The following PGM5 variants were observed in gnomAD, a reference collection of about 807,000 sequenced individuals.
PGM5 encodes the protein phosphoglucomutase-like protein 5.
In PGM5, 23 loss-of-function variants were observed where a neutral mutation model predicts 59.2. The observed-to-expected ratio is 0.39, with a 90% CI of 0.28 to 0.55. The LOEUF (loss-of-function observed/expected upper bound fraction) is 0.55, where lower values mean the gene tolerates loss of function less well. PGM5 is among the 20% of genes least tolerant of loss of function. The probability of loss-of-function intolerance (pLI) is 0.66; values close to 1 mark genes in which losing one functional copy is unlikely to be tolerated. For synonymous variants in PGM5, 214 were observed against 286.0 expected (o/e 0.75, Z 2.54); for missense variants, 574 against 748.3 (o/e 0.77, Z 2.72).
At chr9:68,428,332 G>A (rs140081297) in intron 6 of PGM5, among the ~76,000 whole-genome samples, 4 of 152,144 alleles carry the variant, frequency 2.6e-5, no homozygotes, top group Non-Finnish European at 5.9e-5. Flanking sequence ...CTGTTGTGTT[G>A]CATGGGATAT....
intron 10 of PGM5, 45 bp from the exon 11 acceptor site, chr9:68,529,522 G>A (rs768759492): frequency 1.5e-6 from 2 of 1,378,348 alleles, no homozygotes; most frequent in Non-Finnish European, 2.0e-6. Flanking sequence ...GCCCCAAAAT[G>A]TAACTGACTT....
chr9:68,472,029 GA>G (rs1824028304), intron 7 of PGM5, among the ~76,000 whole-genome samples: 2 of 151,998 alleles, frequency 1.3e-5, no homozygotes, highest in African/African-American at 4.8e-5. Flanking sequence ...TATGCTCTGT[GA>G]GGGAAGCATG....
chr9:68,404,421 G>A (rs542000429), intron 6 of PGM5, among the ~76,000 whole-genome samples: 4 of 152,150 alleles, frequency 2.6e-5, no homozygotes, highest in East Asian at 1.9e-4. Flanking sequence ...GAGCTACTGC[G>A]CCCAGCCTAA....
At position 68,499,257 on chromosome 9, in the gene PGM5, C is replaced by T. The variant is rs1824530486; in HGVS notation, c.1510C>T (p.Arg504Trp). The T allele has an allele frequency of 4.3e-6, 7 of 1,614,174 alleles. No homozygotes were observed. The highest frequency in any genetic ancestry group is 4.5e-5 in the East Asian group (2 of 44,878). ...GLRIIFSDAS[R>W]LIFRLSSSSG... ...AAGGATCATTTTCTCGGATGCATCACGGCTCATCTTCCGGCTCAGTTCCTC... is the reference window on the plus strand; with the variant it reads ...AAGGATCATTTTCTCGGATGCATCATGGCTCATCTTCCGGCTCAGTTCCTC... The change falls in exon 10 of 11, where the codon CGG becomes TGG. Residue 504 changes from arginine to tryptophan, a missense_variant. Physicochemically the swap from Arg to Trp is moderately radical, Grantham distance 101. Coordinates refer to ENST00000396396, the MANE Select transcript of PGM5 (RefSeq NM_021965.4).
At chr9:68,501,750 C>G (rs1554688679) in intron 10 of PGM5, among the ~76,000 whole-genome samples, 2 of 152,226 alleles carry the variant, frequency 1.3e-5, no homozygotes. Context: ...GCCATCTACA[C>G]TTAAATTATT....
At chr9:68,475,206 T>TG (rs1400417569) in intron 7 of PGM5, among the ~76,000 whole-genome samples, 2 of 144,816 alleles carry the variant, frequency 1.4e-5, no homozygotes, top group Admixed American at 1.4e-4. Flanking sequence ...TTTTTTTTTT[T>TG]GTATTTTTAG....
At chr9:68,483,814 C>G (rs782306675) in intron 8 of PGM5, 51 bp from the exon 9 acceptor site, 2 of 1,550,026 alleles carry the variant, frequency 1.3e-6, no homozygotes, top group South Asian at 1.1e-5. Context: ...AGTGGGCCAC[C>G]CAGTTGCTGG....
chr9:68,512,394 T>C (rs1824763951), intron 10 of PGM5, among the ~76,000 whole-genome samples: 1 of 152,218 alleles, frequency 6.6e-6, no homozygotes, highest in Non-Finnish European at 1.5e-5. Flanking sequence ...AGGGCTGATA[T>C]AACAAAGTAC....
intron 1 of PGM5, among the ~76,000 whole-genome samples, chr9:68,376,513 G>GTA (rs1554677667): frequency 3.5e-5 from 5 of 143,222 alleles, no homozygotes; most frequent in African/African-American, 1.2e-4. Flanking sequence ...GTGTGTGTGT[G>GTA]TGTGTGTGTG....
intron 7 of PGM5, among the ~76,000 whole-genome samples, chr9:68,472,982 AT>A (rs1284157335): frequency 1.3e-5 from 2 of 152,056 alleles, no homozygotes; most frequent in East Asian, 1.9e-4. Flanking sequence ...ATTTAAGAAT[AT>A]TTTTTTAAGC....
chr9:68,365,682 A>G (rs1834665618), intron 1 of PGM5, among the ~76,000 whole-genome samples: 2 of 152,250 alleles, frequency 1.3e-5, no homozygotes, highest in South Asian at 4.1e-4. Flanking sequence ...ACTAGTAGGT[A>G]TTTTGTATAA....
chr9:68,397,587 A>G (rs1378788620), intron 6 of PGM5: 2 of 152,218 alleles, frequency 1.3e-5, no homozygotes, highest in Non-Finnish European at 2.9e-5. Flanking sequence ...CTCAAGAAAT[A>G]TTTATTAAGG....
intron 10 of PGM5, among the ~76,000 whole-genome samples, chr9:68,511,347 A>T (rs1411060701): frequency 6.6e-6 from 1 of 152,034 alleles, no homozygotes; most frequent in Non-Finnish European, 1.5e-5. Flanking sequence ...AGAGAGGAGG[A>T]TATATTGAGG....
intron 10 of PGM5, among the ~76,000 whole-genome samples, chr9:68,515,152 A>G (rs1824806504): frequency 6.6e-6 from 1 of 152,258 alleles, no homozygotes; most frequent in Admixed American, 6.5e-5. Flanking sequence ...CACTTTAAAT[A>G]TGTTAGGTTA....
chr9:68,483,887 C>T lies in PGM5; in HGVS notation c.1318C>T (p.Pro440Ser), dbSNP rs1824241109. 3 of 1,613,970 alleles carry T rather than the reference C, an allele frequency of 1.9e-6. No individual in the cohort carries two copies. The highest frequency in any genetic ancestry group is 2.5e-6 in the Non-Finnish European group (3 of 1,179,996). Residue 440 changes from proline (P) to serine (S), a missense_variant, in exon 9 of 11, where the codon CCC becomes TCC. Pro to Ser is a moderately conservative substitution (Grantham distance 74). This residue lies in a region of PGM5 where 300 missense variants were observed against 280.0 expected (regional missense o/e 1.07). Coordinates refer to ENST00000396396, the MANE Select transcript of PGM5 (RefSeq NM_021965.4). ...YCRFDYEGLDPKTTYYIMRDL... is the reference protein window; with the variant it reads ...YCRFDYEGLDSKTTYYIMRDL... ...CAGGTTTGACTATGAGGGGTTGGAT[C>T]CCAAGACGACATATTATATCATGAG...
Position 68,529,655 on chromosome 9 carries a change from G to A in PGM5, c.1703G>A (p.Ter568=), listed in dbSNP as rs1181070448. ...CGGAGGGGACCCACTGTCATCACCT[G>A]AATAGAGGAAAGATCACTCACCAGG... The part of the protein sequence containing the change: ...TGRRGPTVIT[*] Residue 568 remains the stop codon, a stop_retained_variant, in exon 11 of 11, where the codon TGA becomes TAA. Transcript: ENST00000396396. 1.9e-6 allele frequency: 3 copies of A among 1,582,528 alleles called. No homozygotes were observed. The East Asian group carries it at 6.8e-5, about 36-fold the overall frequency.
intron 10 of PGM5, among the ~76,000 whole-genome samples, chr9:68,524,443 G>A (rs995622315): frequency 3.9e-5 from 6 of 152,144 alleles, no homozygotes; most frequent in Admixed American, 6.5e-5. Context: ...GCTTCCTACT[G>A]TTGACTGTAG....
rs868945038 is a variant in PGM5, at chr9:68,376,833, C to T, written c.262-1366C>T. Among the ~76,000 whole-genome samples the T allele has an allele frequency of 4.9e-3, 379 of 77,948 alleles. 20 individuals are homozygous for T. The highest frequency in any genetic ancestry group is 0.019 in the African/African-American group (350 of 18,474). 51.1% of individuals were successfully genotyped at this position (77,948 alleles called of 152,430 possible). On this transcript the variant is annotated intron_variant, in intron 1 of 10. Coordinates refer to ENST00000396396, the MANE Select transcript of PGM5 (RefSeq NM_021965.4). ...TCTTTCTTTCTTTCTTTCTTTCTTT[C>T]TCTTTCTTTCTTTCTTTCTCTTTCT...
At chr9:68,502,048 A>G (rs1824582118) in intron 10 of PGM5, among the ~76,000 whole-genome samples, 1 of 152,214 alleles carries the variant, frequency 6.6e-6, no homozygotes, top group Non-Finnish European at 1.5e-5. Flanking sequence ...TCAATTTCTT[A>G]TCTACATCAA....
Sources: gnomAD v4.1 joint callset for allele counts (sites outside exome capture counted in the v4.1 genomes callset) on GRCh38, gnomAD v4.1.1 for gene constraint, gnomAD v4.1.1 regional missense constraint, MANE v1.5 for transcripts, NCBI Gene and HGNC (gene_info 2026-07-23, HGNC 2026-07-21) for gene names.